FOXP1: variants seen among roughly 807,000 people sequenced by gnomAD.
The protein encoded by FOXP1 is forkhead box P1.
In FOXP1, 15 loss-of-function variants were observed where a neutral mutation model predicts 98.2. The observed-to-expected ratio is 0.15, with a 90% CI of 0.10 to 0.24. FOXP1 has a LOEUF of 0.24. Among genes scored for constraint, FOXP1 ranks in the 10% least tolerant of loss-of-function variants. The pLI is 1.00. For synonymous variants in FOXP1, 371 were observed against 314.5 expected (o/e 1.18, Z -1.90); for missense variants, 633 against 848.5 (o/e 0.75, Z 3.15).
At chr3:71,103,464 C>T (rs1485153762) in intron 7 of FOXP1, among the ~76,000 whole-genome samples, 2 of 152,212 alleles carry the variant, frequency 1.3e-5, no homozygotes, top group African/African-American at 4.8e-5. Context: ...CAACCTCTGT[C>T]TCACCGTGTT....
intron 7 of FOXP1, among the ~76,000 whole-genome samples, chr3:71,058,019 A>G (rs114749520): frequency 0.012 from 1,827 of 152,358 alleles, 33 homozygotes; most frequent in African/African-American, 0.034. Flanking sequence ...TATTAAAATA[A>G]TATGCCATAT....
chr3:71,510,475 T>G (rs1321242737), intron 2 of FOXP1, among the ~76,000 whole-genome samples: 1 of 151,656 alleles, frequency 6.6e-6, no homozygotes, highest in African/African-American at 2.4e-5. Flanking sequence ...AGACTCTGTC[T>G]CTAAAAAAAA....
At position 70,993,989 on chromosome 3, in the gene FOXP1, C is replaced by T. The variant is rs556575714; in HGVS notation, c.1063-5912G>A. Among the ~76,000 whole-genome samples the T allele has an allele frequency of 1.8e-4, 24 of 133,322 alleles. No individual in the cohort carries two copies. The East Asian group carries it at 2.0e-3, about 11-fold the overall frequency. 87.5% of individuals were successfully genotyped at this position (133,322 alleles called of 152,430 possible). A position where few individuals can be genotyped will look rare whatever the true frequency, so the allele number is the denominator to read the frequency against. ...CAGCCTGGGCAACAGAGCAAAACTCCGTCTCAAAAGAAGAAAAAGAAAAAG... is the reference window on the plus strand; with the variant it reads ...CAGCCTGGGCAACAGAGCAAAACTCTGTCTCAAAAGAAGAAAAAGAAAAAG... On this transcript the variant is annotated intron_variant, in intron 13 of 20. Transcript: ENST00000649528.
intron 5 of FOXP1, among the ~76,000 whole-genome samples, chr3:71,294,310 A>T (rs1235354389): frequency 6.6e-6 from 1 of 152,228 alleles, no homozygotes; most frequent in African/African-American, 2.4e-5. Context: ...AACATGCCTG[A>T]TAACATTCAC....
intron 4 of FOXP1, chr3:71,332,309 C>T (rs754970673): frequency 6.4e-6 from 1 of 155,784 alleles, no homozygotes; most frequent in South Asian, 2.0e-4. Context: ...AGCTTCACGC[C>T]TGAGCCAGCG....
chr3:71,498,550 A>G (rs1252337454), intron 2 of FOXP1, among the ~76,000 whole-genome samples: 1 of 152,234 alleles, frequency 6.6e-6, no homozygotes, highest in Non-Finnish European at 1.5e-5. Context: ...GCCTAAATGT[A>G]ATCAAGTATT....
intron 3 of FOXP1, among the ~76,000 whole-genome samples, chr3:71,383,242 C>T (rs1560403867): frequency 6.6e-6 from 1 of 152,208 alleles, no homozygotes; most frequent in Non-Finnish European, 1.5e-5. Context: ...CACCACTTTA[C>T]CCTTTCTTTG....
chr3:71,407,479 T>C (rs184313067), intron 3 of FOXP1, among the ~76,000 whole-genome samples: 4 of 152,346 alleles, frequency 2.6e-5, no homozygotes, highest in Admixed American at 2.0e-4. Context: ...ATCTTTTCAA[T>C]TTATTACTCC....
chr3:71,311,499 C>T (rs2074679296), intron 4 of FOXP1, among the ~76,000 whole-genome samples: 1 of 152,200 alleles, frequency 6.6e-6, no homozygotes, highest in African/African-American at 2.4e-5. Context: ...AAAAACATTC[C>T]TGTATCTTAC....
At chr3:71,523,099 G>A (rs1386709080) in intron 2 of FOXP1, among the ~76,000 whole-genome samples, 2 of 152,144 alleles carry the variant, frequency 1.3e-5, no homozygotes, top group Non-Finnish European at 1.5e-5. Flanking sequence ...AGGGGAAATT[G>A]GGACATAGAC....
chr3:70,994,859 C>T (rs1384667886), intron 13 of FOXP1, among the ~76,000 whole-genome samples: 1 of 152,156 alleles, frequency 6.6e-6, no homozygotes, highest in Non-Finnish European at 1.5e-5. Flanking sequence ...GCCCCGATGA[C>T]ACATGATGAA....
chr3:70,959,706 G>A (rs558676267), intron 20 of FOXP1, among the ~76,000 whole-genome samples: 8 of 152,276 alleles, frequency 5.3e-5, no homozygotes, highest in African/African-American at 1.9e-4. Context: ...GTGATGCTCT[G>A]AATCACTAGT....
At chr3:71,452,700 C>T (rs1577592802) in intron 3 of FOXP1, among the ~76,000 whole-genome samples, 2 of 152,160 alleles carry the variant, frequency 1.3e-5, no homozygotes, top group African/African-American at 2.4e-5. Flanking sequence ...CTGCCTCCCT[C>T]CCAAGTCAAC....
chr3:71,093,616 C>T (rs985838216), intron 7 of FOXP1, among the ~76,000 whole-genome samples: 1 of 150,782 alleles, frequency 6.6e-6, no homozygotes, highest in Non-Finnish European at 1.5e-5. Flanking sequence ...AAGAAATATG[C>T]AATTCTCTAC....
At chr3:71,508,321 G>A (rs1377229016) in intron 2 of FOXP1, among the ~76,000 whole-genome samples, 1 of 152,146 alleles carries the variant, frequency 6.6e-6, no homozygotes, top group African/African-American at 2.4e-5. Flanking sequence ...AAATTTGGGG[G>A]ACAAAGTATT....
chr3:71,107,878 A>G (rs567872350), intron 7 of FOXP1, among the ~76,000 whole-genome samples: 2 of 152,346 alleles, frequency 1.3e-5, no homozygotes, highest in South Asian at 4.1e-4. Context: ...AAATGCTAAA[A>G]AAACACCTGC....
At chr3:71,184,560 A>G (rs1005670744) in intron 6 of FOXP1, among the ~76,000 whole-genome samples, 1 of 152,196 alleles carries the variant, frequency 6.6e-6, no homozygotes, top group African/African-American at 2.4e-5. Context: ...GTACAGTGCT[A>G]CATTTTAAAT....
rs371314522 is a variant in FOXP1, at chr3:71,166,609, GCT to G, written c.180+31591_180+31592del. Among the ~76,000 whole-genome samples, 72 of 152,192 alleles carry G rather than the reference GCT, an allele frequency of 4.7e-4. No homozygotes were observed. In the East Asian group the frequency reaches 0.014, roughly 29 times the overall value. On this transcript the variant is annotated intron_variant, in intron 6 of 20. Transcript: ENST00000649528. ...GAGACCACTACTGGCCTCTTCTCCA[GCT>G]CTGTTTCCCTAATCTGCATTCTAAA...
chr3:71,451,549 AC>A (rs2086960092), intron 3 of FOXP1, among the ~76,000 whole-genome samples: 1 of 152,014 alleles, frequency 6.6e-6, no homozygotes, highest in African/African-American at 2.4e-5. Flanking sequence ...TTTTTTTAAC[AC>A]CCCCAGTAAT....
Sources: allele counts gnomAD v4.1 joint callset (sites outside exome capture counted in the v4.1 genomes callset), GRCh38; gene constraint gnomAD v4.1.1; transcripts MANE v1.5; gene names NCBI Gene and HGNC (gene_info 2026-07-23, HGNC 2026-07-21).